ARHGAP32: variants seen among roughly 807,000 people sequenced by gnomAD.
The protein encoded by ARHGAP32 is rho GTPase-activating protein 32.
A neutral mutation model predicts 186.5 loss-of-function variants in ARHGAP32; 51 were observed. The ratio of observed to expected loss-of-function variants is 0.27; its 90% confidence interval spans 0.22 to 0.35. The LOEUF (loss-of-function observed/expected upper bound fraction) is 0.35. Among genes scored for constraint, ARHGAP32 ranks in the 10% least tolerant of loss-of-function variants. ARHGAP32 has a pLI of 1.00. For missense variants in ARHGAP32, 2,186 were observed against 2,623.5 expected, an observed-to-expected ratio of 0.83 and a Z score of 3.64; for synonymous variants, 950 against 964.3, an observed-to-expected ratio of 0.99 and a Z score of 0.27.
At chr11:129,087,312 T>C (rs1287507904) in intron 6 of ARHGAP32, among the ~76,000 whole-genome samples, 1 of 152,240 alleles carries the variant, frequency 6.6e-6, no homozygotes, top group Non-Finnish European at 1.5e-5. Context: ...AGCAACTTTA[T>C]TCATAATTGC....
chr11:129,034,017 C>G (rs1164262974), intron 11 of ARHGAP32, among the ~76,000 whole-genome samples: 1 of 152,138 alleles, frequency 6.6e-6, no homozygotes, highest in African/African-American at 2.4e-5. Flanking sequence ...AGTAAGTTTC[C>G]CACTTTTTTG....
intron 11 of ARHGAP32, among the ~76,000 whole-genome samples, chr11:128,999,136 G>A (rs1946281082): frequency 1.3e-5 from 2 of 152,208 alleles, no homozygotes; most frequent in Non-Finnish European, 2.9e-5. Context: ...GCGAATAGGA[G>A]AAATATCGCT....
chr11:129,237,489 G>T (rs773879100), intron 1 of ARHGAP32, among the ~76,000 whole-genome samples: 1 of 152,134 alleles, frequency 6.6e-6, no homozygotes, highest in Non-Finnish European at 1.5e-5. Context: ...GTGCTTTAGC[G>T]TGTTAAAGGA....
intron 13 of ARHGAP32, among the ~76,000 whole-genome samples, chr11:128,986,912 T>A (rs112614702): frequency 1.3e-5 from 2 of 152,206 alleles, no homozygotes; most frequent in Non-Finnish European, 2.9e-5. Flanking sequence ...AAATGGACAA[T>A]AGCCTCTGAG....
chr11:129,108,167 T>A (rs927511633), intron 5 of ARHGAP32, among the ~76,000 whole-genome samples: 7 of 152,058 alleles, frequency 4.6e-5, no homozygotes, highest in Admixed American at 4.6e-4. Flanking sequence ...TTACTACAAA[T>A]GTAAACAGAG....
chr11:128,991,920 C>A lies in ARHGAP32; in HGVS notation c.1196-3795G>T, dbSNP rs371049797. On this transcript the variant is annotated intron_variant, in intron 12 of 22. Coordinates refer to ENST00000682385, the MANE Select transcript of ARHGAP32 (RefSeq NM_001378024.1). ...TCGTTTCTGCTCTTTTCTCTTCATT[C>A]ATTCACTCGCTCACTCACTCATCAA... 2.2e-3 allele frequency among the ~76,000 whole-genome samples: 329 copies of A among 152,018 alleles called. 6 individuals carry two copies. In the South Asian group the frequency reaches 0.043, roughly 20 times the overall value.
chr11:129,122,613 A>G (rs1015297444), intron 5 of ARHGAP32, among the ~76,000 whole-genome samples: 1 of 152,174 alleles, frequency 6.6e-6, no homozygotes, highest in Non-Finnish European at 1.5e-5. Flanking sequence ...TATTTGAAAT[A>G]GAAATGTCCT....
chr11:129,004,064 G>A (rs1937637126), intron 11 of ARHGAP32, among the ~76,000 whole-genome samples: 1 of 151,682 alleles, frequency 6.6e-6, no homozygotes, highest in South Asian at 2.1e-4. Context: ...TGTTGTTTCT[G>A]TAATCATTTG....
At chr11:129,034,368 C>T (rs1021814036) in intron 11 of ARHGAP32, among the ~76,000 whole-genome samples, 2 of 152,068 alleles carry the variant, frequency 1.3e-5, no homozygotes, top group Non-Finnish European at 2.9e-5. Context: ...TTTTAACTGT[C>T]CTCAGAGGGA....
At chr11:129,266,181 G>C (rs1945398204) in intron 1 of ARHGAP32, among the ~76,000 whole-genome samples, 1 of 152,026 alleles carries the variant, frequency 6.6e-6, no homozygotes, top group Admixed American at 6.6e-5. Flanking sequence ...ACCAAAATAA[G>C]TCATAAAAAC....
intron 10 of ARHGAP32, among the ~76,000 whole-genome samples, chr11:129,058,853 C>A (rs147702282): frequency 2.3e-3 from 346 of 152,346 alleles, no homozygotes; most frequent in African/African-American, 8.2e-3. Context: ...CTTCCTCTCT[C>A]AACAGAGTGT....
intron 10 of ARHGAP32, among the ~76,000 whole-genome samples, chr11:129,057,765 T>G (rs958908724): frequency 4.0e-5 from 6 of 150,938 alleles, no homozygotes; most frequent in Non-Finnish European, 5.9e-5. Flanking sequence ...ACGTTGTTCA[T>G]GGATTAACTG....
intron 1 of ARHGAP32, among the ~76,000 whole-genome samples, chr11:129,269,907 C>T (rs949266376): frequency 7.9e-5 from 12 of 152,188 alleles, no homozygotes; most frequent in Non-Finnish European, 1.3e-4. Context: ...CTCTCATTCA[C>T]TATTGGTGAG....
At chr11:129,171,446 G>C (rs111984103) in intron 1 of ARHGAP32, among the ~76,000 whole-genome samples, 3 of 152,246 alleles carry the variant, frequency 2.0e-5, no homozygotes, top group Admixed American at 6.5e-5. Flanking sequence ...CCCATTGTTT[G>C]TTTTTGTCAG....
At chr11:129,228,901 A>G (rs1265830574) in intron 1 of ARHGAP32, among the ~76,000 whole-genome samples, 1 of 152,228 alleles carries the variant, frequency 6.6e-6, no homozygotes, top group Non-Finnish European at 1.5e-5. Flanking sequence ...AATTGGCAAT[A>G]AACTCCATTA....
chr11:129,279,540 G>C (rs1945584885), upstream of ARHGAP32, among the ~76,000 whole-genome samples: 2 of 145,490 alleles, frequency 1.4e-5, no homozygotes, highest in Non-Finnish European at 3.1e-5. Context: ...GCTGGCCGGC[G>C]CGTGCCCCCG....
chr11:129,182,264 C>T (rs1233171438), intron 1 of ARHGAP32, among the ~76,000 whole-genome samples: 2 of 151,910 alleles, frequency 1.3e-5, no homozygotes, highest in Non-Finnish European at 2.9e-5. Context: ...TATATATGTA[C>T]AAATATATCT....
intron 1 of ARHGAP32, among the ~76,000 whole-genome samples, chr11:129,197,416 A>G (rs1008681447): frequency 2.0e-5 from 3 of 152,218 alleles, no homozygotes; most frequent in Non-Finnish European, 4.4e-5. Flanking sequence ...TTCTCCCATC[A>G]TAATAATTGT....
At chr11:129,166,032 A>G (rs1031885136) in intron 1 of ARHGAP32, among the ~76,000 whole-genome samples, 1 of 152,172 alleles carries the variant, frequency 6.6e-6, no homozygotes, top group Non-Finnish European at 1.5e-5. Flanking sequence ...ATGAATTTCA[A>G]CAGAGAATTG....
Sources: gnomAD v4.1 joint callset for allele counts (sites outside exome capture counted in the v4.1 genomes callset) on GRCh38, gnomAD v4.1.1 for gene constraint, MANE v1.5 for transcripts, NCBI Gene and HGNC (gene_info 2026-07-23, HGNC 2026-07-21) for gene names.